The following ZNF32 variants were observed in gnomAD, a reference collection of about 807,000 sequenced individuals.
The protein encoded by ZNF32 is zinc finger protein 32.
Under a neutral mutation model 24.4 loss-of-function variants are expected in ZNF32, and 13 were observed. The observed-to-expected ratio is 0.53, with a 90% CI of 0.35 to 0.85. The LOEUF is 0.85. Ranked by LOEUF, ZNF32 falls within the 40% of genes least tolerant of loss-of-function variation. ZNF32 has a pLI of 0.01. For synonymous variants in ZNF32, 115 were observed against 117.4 expected, an observed-to-expected ratio of 0.98 and a Z score of 0.13; for missense variants, 239 against 325.3, an observed-to-expected ratio of 0.73 and a Z score of 2.04.
chr10:43,647,390 T>TA (rs1039398810), intron 1 of ZNF32, among the ~76,000 whole-genome samples: 5 of 152,122 alleles, frequency 3.3e-5, no homozygotes, highest in Non-Finnish European at 5.9e-5. Context: ...ATCTATTTTT[T>TA]AAAAAAAATA....
rs1839280555 is a variant in ZNF32, at chr10:43,646,179, C to T, written c.-46G>A. 1 of 1,607,326 alleles carries T rather than the reference C, an allele frequency of 6.2e-7. No individual in the cohort carries two copies. The highest frequency in any genetic ancestry group is 8.5e-7 in the Non-Finnish European group (1 of 1,175,560). On this transcript the variant is annotated 5_prime_UTR_variant, in exon 2 of 3. Transcript: ENST00000374433. ...TCAGTCACCACCTCTTCATATGATT[C>T]TTCCATGGGCTGTTCCTGAGCACCT...
chr10:43,646,250 T>G, intron 1 of ZNF32, 48 bp from the exon 2 acceptor site: 1 of 1,144,580 alleles, frequency 8.7e-7, no homozygotes, highest in East Asian at 2.6e-5. Flanking sequence ...GCAGAATAAT[T>G]GATATGTGAG....
intron 1 of ZNF32, chr10:43,647,898 C>G (rs189076910): frequency 2.6e-5 from 4 of 152,120 alleles, no homozygotes; most frequent in African/African-American, 9.7e-5. Flanking sequence ...TATCAGGGAC[C>G]TCCGTGATTA....
At chr10:43,647,295 G>C (rs1839336584) in intron 1 of ZNF32, 2 of 151,926 alleles carry the variant, frequency 1.3e-5, no homozygotes, top group Admixed American at 1.3e-4. Flanking sequence ...TGCCCAGGCT[G>C]GTCTCCAACT....
chr10:43,644,161 T>C lies in ZNF32; in HGVS notation c.711A>G (p.Lys237=), dbSNP rs1467517080. The C allele has an allele frequency of 6.2e-7, 1 of 1,614,168 alleles. No homozygotes were observed. The highest frequency in any genetic ancestry group is 8.5e-7 in the Non-Finnish European group (1 of 1,180,030). ...GATAGGGTGTCTCTCCTGTGTGGAT[T>C]TTGCCATGCAGAATACAATTCCCCC... ...HTRGNCILHG[K]IHTGETPYLC... The change falls in exon 3 of 3, where the codon AAA becomes AAG. Residue 237 remains lysine, a synonymous_variant. Transcript: ENST00000374433. This position sits in a 1 kb window ranked among gnomAD's most constrained non-coding sequence, Gnocchi z 5.3.
chr10:43,644,095 A>C lies in ZNF32; in HGVS notation c.777T>G (p.Ser259Arg), dbSNP rs1414365591. 6.2e-7 allele frequency: 1 copy of C among 1,613,924 alleles called. No individual in the cohort carries two copies. The highest frequency in any genetic ancestry group is 1.3e-5 in the African/African-American group (1 of 74,954). ...QCGKSFTQRGSLAVHQRSCSQ... is the reference protein window; with the variant it reads ...QCGKSFTQRGRLAVHQRSCSQ... ...AGCAGCTTCGCTGGTGCACAGCCAG[A>C]CTCCCTCTCTGGGTGAAGCTTTTTC... Residue 259 changes from serine (S) to arginine (R), a missense_variant, in exon 3 of 3, where the codon AGT becomes AGG. Transcript: ENST00000374433. The surrounding 1 kb of genome is among the most constrained non-coding windows in gnomAD (Gnocchi z 5.3).
At chr10:43,646,796 C>A (rs370605059) in intron 1 of ZNF32, among the ~76,000 whole-genome samples, 5 of 152,228 alleles carry the variant, frequency 3.3e-5, no homozygotes, top group African/African-American at 1.2e-4. Context: ...AAGACCTACT[C>A]TGGACTCCAA....
At position 43,644,823 on chromosome 10, in the gene ZNF32, C is replaced by CAT; in HGVS notation, c.71-24_71-23dup. On this transcript the variant is annotated intron_variant, in intron 2 of 2. Transcript: ENST00000374433. This position sits in a 1 kb window ranked among gnomAD's most constrained non-coding sequence, Gnocchi z 5.3. ...ACATCTGATAAAATGAGAGGGAAGTCATATAAGAAGCACCAATAATGCTGA... is the reference window on the plus strand; with the variant it reads ...ACATCTGATAAAATGAGAGGGAAGTCATATATAAGAAGCACCAATAATGCTGA... The CAT allele has an allele frequency of 6.4e-7, 1 of 1,558,300 alleles. No individual in the cohort carries two copies. Among genetic ancestry groups the CAT allele is most frequent in the East Asian group, 2.2e-5 (1 of 44,570 alleles).
At chr10:43,648,643 C>G (rs1478468146) in intron 1 of ZNF32, 159 bp downstream of exon 1, 2 of 152,264 alleles carry the variant, frequency 1.3e-5, no homozygotes, top group African/African-American at 4.8e-5. Flanking sequence ...GACCTCTCCG[C>G]TCGCGGCTGG....
At chr10:43,646,579 A>G (rs1564492315) in intron 1 of ZNF32, among the ~76,000 whole-genome samples, 1 of 152,238 alleles carries the variant, frequency 6.6e-6, no homozygotes, top group Non-Finnish European at 1.5e-5. Context: ...AGAATCTAAG[A>G]AAACAACATT....
chr10:43,647,890 T>C (rs1406996369), intron 1 of ZNF32: 1 of 152,190 alleles, frequency 6.6e-6, no homozygotes, highest in Non-Finnish European at 1.5e-5. Context: ...CCGCCGCCTA[T>C]CAGGGACCTC....
At chr10:43,648,210 G>A (rs899962721) in intron 1 of ZNF32, among the ~76,000 whole-genome samples, 2 of 152,184 alleles carry the variant, frequency 1.3e-5, no homozygotes, top group East Asian at 1.9e-4. Context: ...CCAAACAAGA[G>A]GAGTATCAGA....
Position 43,644,119 on chromosome 10 carries a change from T to C in ZNF32, c.753A>G (p.Gly251=), listed in dbSNP as rs1441169168. 6.2e-7 allele frequency: 1 copy of C among 1,614,096 alleles called. No homozygotes were observed. The highest frequency in any genetic ancestry group is 1.3e-5 in the African/African-American group (1 of 74,930). Residue 251 remains glycine, a synonymous_variant, in exon 3 of 3, where the codon GGA becomes GGG. Coordinates refer to ENST00000374433, the MANE Select transcript of ZNF32 (RefSeq NM_006973.3). The surrounding 1 kb of genome is among the most constrained non-coding windows in gnomAD (Gnocchi z 5.3). The stretch of plus-strand genomic sequence containing the variant: ...GACTCCCTCTCTGGGTGAAGCTTTT[T>C]CCACACTGGCCGCACAGATAGGGTG... The part of the protein sequence containing the change: ...GETPYLCGQC[G]KSFTQRGSLA...
At chr10:43,648,105 T>C (rs1435281671) in intron 1 of ZNF32, 2 of 152,232 alleles carry the variant, frequency 1.3e-5, no homozygotes, top group Admixed American at 1.3e-4. Context: ...GATATGATCT[T>C]GGGCGAGTAA....
In ZNF32 at chr10:43,644,065, C is replaced by T. The variant is rs1394289463; in HGVS notation, c.807G>A (p.Gln269=). ...SLAVHQRSCS[Q]RLTL Reference sequence around the variant, plus strand: ...AGGAAAGTGGTCAAAGGGTGAGCCTCTGTGAGCAGCTTCGCTGGTGCACAG... The same window carrying T: ...AGGAAAGTGGTCAAAGGGTGAGCCTTTGTGAGCAGCTTCGCTGGTGCACAG... Residue 269 remains glutamine, a synonymous_variant, in exon 3 of 3, where the codon CAG becomes CAA. Transcript: ENST00000374433. This position sits in a 1 kb window ranked among gnomAD's most constrained non-coding sequence, Gnocchi z 5.3. 3 of 1,613,324 alleles carry T rather than the reference C, an allele frequency of 1.9e-6. No individual in the cohort carries two copies. The Admixed American group carries it at 5.0e-5, about 27-fold the overall frequency.
At chr10:43,646,529 C>T (rs1045151766) in intron 1 of ZNF32, among the ~76,000 whole-genome samples, 1 of 152,188 alleles carries the variant, frequency 6.6e-6, no homozygotes, top group African/African-American at 2.4e-5. Context: ...CCCCACCTAA[C>T]CACCTACTAC....
Position 43,648,460 on chromosome 10 carries a change from G to A in ZNF32, c.-70+342C>T, listed in dbSNP as rs1182027107. ...CTCGCTGAAGCCCGCACGGAGGCCG[G>A]GTGAGCCTGCCGCGGCCTCCCCCTC... is the stretch of plus-strand genomic sequence containing the variant. On this transcript the variant is annotated intron_variant, in intron 1 of 2. Coordinates refer to ENST00000374433, the MANE Select transcript of ZNF32 (RefSeq NM_006973.3). 2.6e-5 allele frequency: 4 copies of A among 152,144 alleles called. No individual in the cohort carries two copies. The East Asian group carries it at 7.8e-4, about 30-fold the overall frequency. The allele number at this position is 152,144 out of a possible 1,614,324, so 9.4% of individuals were successfully genotyped here.
Position 43,643,947 on chromosome 10 carries a change from T to C in ZNF32, c.*103A>G. 2.3e-6 allele frequency: 3 copies of C among 1,313,990 alleles called. No individual in the cohort carries two copies. Among genetic ancestry groups the C allele is most frequent in the South Asian group, 1.6e-5 (1 of 63,430 alleles). The allele number at this position is 1,313,990 out of a possible 1,614,324, so 81.4% of individuals were successfully genotyped here. A position where few individuals can be genotyped will look rare whatever the true frequency, so the allele number is the denominator to read the frequency against. ...GTTTGCCCTACCCAATGATGGTCTT[T>C]CTGAAAGATTCTCCATTCATTCCAT... On this transcript the variant is annotated 3_prime_UTR_variant, in exon 3 of 3. Coordinates refer to ENST00000374433, the MANE Select transcript of ZNF32 (RefSeq NM_006973.3).
chr10:43,645,492 C>T (rs1839257126), intron 2 of ZNF32, among the ~76,000 whole-genome samples: 1 of 152,310 alleles, frequency 6.6e-6, no homozygotes, highest in South Asian at 2.1e-4. Context: ...TACAGACGAA[C>T]CTGGAGCTTA....
Sources: gnomAD v4.1 joint callset for allele counts (sites outside exome capture counted in the v4.1 genomes callset) on GRCh38, gnomAD v4.1.1 for gene constraint, Gnocchi (gnomAD v3.1) non-coding constraint, MANE v1.5 for transcripts, NCBI Gene and HGNC (gene_info 2026-07-23, HGNC 2026-07-21) for gene names.